Variants in ERICH3 observed in about 807,000 individuals in gnomAD.
ERICH3 encodes glutamate-rich protein 3.
ERICH3 carries 126 observed loss-of-function variants against 131.1 expected under a neutral mutation model. That is an observed-to-expected ratio of 0.96 (90% CI 0.83 to 1.11). ERICH3 has a LOEUF of 1.11. Ranked by LOEUF, ERICH3 falls within the 50% of genes most tolerant of loss-of-function variation. ERICH3 has a pLI of 0.00. For missense variants in ERICH3, 2,050 were observed against 1,810.7 expected (o/e 1.13, Z -2.40); for synonymous variants, 695 against 644.6 (o/e 1.08, Z -1.18).
At chr1:74,576,380 A>G (rs142865694) in intron 13 of ERICH3, among the ~76,000 whole-genome samples, 2 of 152,194 alleles carry the variant, frequency 1.3e-5, no homozygotes, top group Admixed American at 1.3e-4. Flanking sequence ...TTGAATGCCC[A>G]TTATAAAAGA....
At chr1:74,658,204 G>A (rs1646603961) in intron 1 of ERICH3, among the ~76,000 whole-genome samples, 1 of 152,118 alleles carries the variant, frequency 6.6e-6, no homozygotes, top group Non-Finnish European at 1.5e-5. Flanking sequence ...TCTCTATGAG[G>A]TATTCCTCCT....
intron 12 of ERICH3, chr1:74,579,436 G>C: frequency 2.0e-6 from 2 of 985,410 alleles, no homozygotes; most frequent in Non-Finnish European, 2.4e-6. Flanking sequence ...TAGTCCCTCT[G>C]TCTCAGGGAT....
At chr1:74,660,146 T>A (rs1289005425) in intron 1 of ERICH3, among the ~76,000 whole-genome samples, 1 of 152,062 alleles carries the variant, frequency 6.6e-6, no homozygotes, top group Non-Finnish European at 1.5e-5. Context: ...TATAAGGGGC[T>A]TCCCCTTTTG....
At chr1:74,592,995 A>G (rs1339225574) in intron 11 of ERICH3, among the ~76,000 whole-genome samples, 1 of 152,126 alleles carries the variant, frequency 6.6e-6, no homozygotes, top group Non-Finnish European at 1.5e-5. Context: ...TGTCATTAGG[A>G]GGGAAAAATT....
intron 13 of ERICH3, 26 bp downstream of exon 13, chr1:74,576,869 G>A (rs1647065764): frequency 3.2e-6 from 5 of 1,580,702 alleles, no homozygotes; most frequent in South Asian, 2.3e-5. Flanking sequence ...CACTCTAATT[G>A]GACCTCTTGC....
chr1:74,596,863 C>T (rs61571702), intron 11 of ERICH3, among the ~76,000 whole-genome samples: 139 of 152,164 alleles, frequency 9.1e-4, no homozygotes, highest in African/African-American at 3.2e-3. Context: ...CACTCTATCA[C>T]TCATGGGCTG....
intron 7 of ERICH3, among the ~76,000 whole-genome samples, chr1:74,630,019 G>C (rs1195300211): frequency 2.0e-5 from 3 of 152,192 alleles, no homozygotes; most frequent in African/African-American, 7.2e-5. Context: ...TATTGTTGTT[G>C]AACTTGTACA....
intron 5 of ERICH3, among the ~76,000 whole-genome samples, chr1:74,640,161 A>T (rs548128099): frequency 5.9e-5 from 9 of 152,300 alleles, no homozygotes; most frequent in South Asian, 4.1e-4. Flanking sequence ...TGGAAAATTG[A>T]AAAGAAAGCC....
At chr1:74,605,120 T>C (rs1296044001) in intron 10 of ERICH3, among the ~76,000 whole-genome samples, 1 of 151,986 alleles carries the variant, frequency 6.6e-6, no homozygotes, top group Non-Finnish European at 1.5e-5. Context: ...TACTTCACCT[T>C]GCAATTTCAT....
chr1:74,603,082 G>A (rs1648221153), intron 10 of ERICH3, among the ~76,000 whole-genome samples: 1 of 151,834 alleles, frequency 6.6e-6, no homozygotes, highest in African/African-American at 2.4e-5. Context: ...ATGAGGTGGG[G>A]AAGAAGATAC....
chr1:74,599,833 G>A lies in ERICH3; in HGVS notation c.1588C>T (p.Pro530Ser). The part of the protein sequence containing the change: ...DVQMNGIPQS[P>S]LDDKKDNLDP... The stretch of plus-strand genomic sequence containing the variant: ...AAATTATCTTTTTTATCATCCAAAG[G>A]TGACTGCGGTATTCCATTCATTTGA... Residue 530 changes from proline to serine, a missense_variant, in exon 11 of 15, where the codon CCT becomes TCT. Physicochemically the swap from Pro to Ser is moderately conservative, Grantham distance 74. Transcript: ENST00000326665. 1 of 1,612,324 alleles carries A rather than the reference G, an allele frequency of 6.2e-7. No individual in the cohort carries two copies. Among genetic ancestry groups the A allele is most frequent in the Non-Finnish European group, 8.5e-7 (1 of 1,178,924 alleles).
chr1:74,642,671 G>C (rs1646446951), intron 4 of ERICH3, among the ~76,000 whole-genome samples: 1 of 151,982 alleles, frequency 6.6e-6, no homozygotes, highest in Non-Finnish European at 1.5e-5. Context: ...AAAAAGCCCT[G>C]TTTTCCATCA....
intron 12 of ERICH3, among the ~76,000 whole-genome samples, chr1:74,588,818 G>A (rs1056207122): frequency 2.0e-5 from 3 of 152,036 alleles, no homozygotes; most frequent in Non-Finnish European, 4.4e-5. Context: ...AAGGTCTGGG[G>A]CCTGATTATC....
intron 7 of ERICH3, among the ~76,000 whole-genome samples, chr1:74,629,973 C>T (rs772714396): frequency 2.0e-5 from 3 of 151,924 alleles, no homozygotes; most frequent in Non-Finnish European, 4.4e-5. Context: ...TAGAGTTCAT[C>T]GTGAAGGTGT....
chr1:74,616,487 C>G (rs1648972476), intron 8 of ERICH3, among the ~76,000 whole-genome samples: 1 of 152,112 alleles, frequency 6.6e-6, no homozygotes, highest in Non-Finnish European at 1.5e-5. Context: ...TTTCATACAT[C>G]TCCAGCCTAC....
intron 7 of ERICH3, among the ~76,000 whole-genome samples, chr1:74,627,721 A>AT (rs1014149865): frequency 2.0e-5 from 3 of 152,094 alleles, no homozygotes; most frequent in African/African-American, 7.2e-5. Flanking sequence ...ACATATGCAG[A>AT]TTTTTTTCAA....
rs529705024 is a variant in ERICH3 at position 74,590,774 on chromosome 1, G to A, written c.1727-694C>T. 2.3e-3 allele frequency among the ~76,000 whole-genome samples: 347 copies of A among 152,244 alleles called. 2 individuals are homozygous for A. The highest frequency in any genetic ancestry group is 8.1e-3 in the African/African-American group (335 of 41,548). ...GATTAGATCCCTGGTCTAAATCATTGTTAGGATAAGGAAAACCTATCAAAT... is the reference window on the plus strand; with the variant it reads ...GATTAGATCCCTGGTCTAAATCATTATTAGGATAAGGAAAACCTATCAAAT... On this transcript the variant is annotated intron_variant, in intron 11 of 14. Transcript: ENST00000326665.
rs577538859 is a variant in ERICH3, at chr1:74,586,526, AT to A, written c.2176+3104del. ...TGTAATGTTTAAACATTTAAACCAA[AT>A]TTTTGTGAGAAAAAAGTTTATCAAA... On this transcript the variant is annotated intron_variant, in intron 12 of 14. Coordinates refer to ENST00000326665, the MANE Select transcript of ERICH3 (RefSeq NM_001002912.5). 1.9e-4 allele frequency: 190 copies of A among 976,988 alleles called. No individual in the cohort carries two copies. The African/African-American group carries it at 3.0e-3, about 16-fold the overall frequency. The allele number at this position is 976,988 out of a possible 1,614,324, so 60.5% of individuals were successfully genotyped here.
intron 8 of ERICH3, among the ~76,000 whole-genome samples, chr1:74,614,671 C>G (rs1340867851): frequency 1.4e-5 from 2 of 146,516 alleles, no homozygotes; most frequent in South Asian, 2.2e-4. Flanking sequence ...AGTGAGACTC[C>G]GTCTAAAAAA....
Sources: allele counts gnomAD v4.1 joint callset (sites outside exome capture counted in the v4.1 genomes callset), GRCh38; gene constraint gnomAD v4.1.1; transcripts MANE v1.5; gene names NCBI Gene and HGNC (gene_info 2026-07-23, HGNC 2026-07-21).